RTL9: variants seen among roughly 807,000 people sequenced by gnomAD.
RTL9 encodes the protein retrotransposon Gag like 9.
In RTL9, 19 loss-of-function variants were observed where a neutral mutation model predicts 44.7. That is an observed-to-expected ratio of 0.42 (90% CI 0.30 to 0.62). The LOEUF (loss-of-function observed/expected upper bound fraction) is 0.62, where lower values mean the gene tolerates loss of function less well. RTL9 is among the 20% of genes least tolerant of loss of function. The pLI is 0.16. For synonymous variants in RTL9, 407 were observed against 398.9 expected (o/e 1.02, Z -0.24); for missense variants, 1,105 against 1,080.6 (o/e 1.02, Z -0.32).
At chrX:110,421,111 C>T (rs1323954249) in intron 1 of RTL9, among the ~76,000 whole-genome samples, 1 of 112,372 alleles carries the variant, frequency 8.9e-6, no homozygotes, top group African/African-American at 3.2e-5. Flanking sequence ...GTTTAAGGTT[C>T]TCATCCAGCC....
intron 1 of RTL9, among the ~76,000 whole-genome samples, chrX:110,436,615 G>A (rs1042479980): frequency 8.9e-6 from 1 of 111,950 alleles, no homozygotes. Context: ...AACATGCTGA[G>A]GGCATGCCTG....
At chrX:110,438,774 G>A (rs1010681702) in intron 1 of RTL9, among the ~76,000 whole-genome samples, 1 of 111,528 alleles carries the variant, frequency 9.0e-6, no homozygotes. Context: ...TGTTTATTTT[G>A]TCAATCAGAG....
intron 1 of RTL9, among the ~76,000 whole-genome samples, chrX:110,411,066 TATAAGCAGCAGAGCTGCCATGG>T (rs1446432536): frequency 3.6e-5 from 4 of 112,494 alleles, no homozygotes; most frequent in African/African-American, 1.3e-4. Flanking sequence ...TCTTCCTATT[TATAAGCAGCAGAGCTGCCATGG>T]GTCACTGCAC....
exon 1 of RTL9, chrX:110,454,115 A>C (rs961337272): frequency 8.3e-7 from 1 of 1,210,375 alleles, no homozygotes; most frequent in African/African-American, 1.7e-5. Flanking sequence ...CTGTGGAGGA[A>C]GAGATGGAGA....
At chrX:110,391,782 A>G (rs1222015301) in intron 1 of RTL9, among the ~76,000 whole-genome samples, 2 of 112,518 alleles carry the variant, frequency 1.8e-5, no homozygotes, top group Non-Finnish European at 3.8e-5. Context: ...GATGTTGGCA[A>G]GTAGTACTTG....
At chrX:110,442,247 C>CTCTCTCTGTGTGTG (rs1556214261) in intron 1 of RTL9, among the ~76,000 whole-genome samples, 2 of 97,036 alleles carry the variant, frequency 2.1e-5, no homozygotes, top group African/African-American at 7.8e-5. Flanking sequence ...CTCTCTCTCT[C>CTCTCTCTGTGTGTG]TGTGTGTGTG....
At chrX:110,361,459 A>G (rs1180474149) in intron 1 of RTL9, among the ~76,000 whole-genome samples, 1 of 111,262 alleles carries the variant, frequency 9.0e-6, no homozygotes, top group Non-Finnish European at 1.9e-5. Context: ...GAACCAGGAT[A>G]ATTTTATTAT....
At chrX:110,423,795 C>T (rs1342116963) in intron 1 of RTL9, among the ~76,000 whole-genome samples, 1 of 112,199 alleles carries the variant, frequency 8.9e-6, no homozygotes, top group Non-Finnish European at 1.9e-5. Context: ...ATGGTTTGTT[C>T]TGATCACACA....
chrX:110,433,239 C>T (rs950784305), intron 1 of RTL9, among the ~76,000 whole-genome samples: 1 of 112,547 alleles, frequency 8.9e-6, no homozygotes, highest in Non-Finnish European at 1.9e-5. Context: ...TGTGCTGGTG[C>T]TTATGGGAGA....
At chrX:110,399,913 A>G (rs1362299047) in intron 1 of RTL9, among the ~76,000 whole-genome samples, 2 of 112,286 alleles carry the variant, frequency 1.8e-5, no homozygotes, top group African/African-American at 3.2e-5. Flanking sequence ...TAAGGGGAAG[A>G]GGTGAGTTAA....
At chrX:110,442,032 A>T in intron 1 of RTL9, among the ~76,000 whole-genome samples, 1 of 110,917 alleles carries the variant, frequency 9.0e-6, no homozygotes, top group Non-Finnish European at 1.9e-5. Context: ...GCTCTTATCC[A>T]CCTTCTCTGC....
intron 1 of RTL9, among the ~76,000 whole-genome samples, chrX:110,378,783 G>A (rs190790831): frequency 1.2e-4 from 13 of 111,221 alleles, no homozygotes; most frequent in Non-Finnish European, 2.1e-4. Context: ...CTGAAATGGC[G>A]CCTGCTGTAC....
At chrX:110,455,530 A>G in exon 2 of RTL9, 1 of 404,753 alleles carries the variant, frequency 2.5e-6, no homozygotes, top group East Asian at 4.1e-5. Context: ...CAATCAGAGT[A>G]GGGACTACAA....
At chrX:110,377,711 G>T (rs1446849569) in intron 1 of RTL9, among the ~76,000 whole-genome samples, 2 of 111,289 alleles carry the variant, frequency 1.8e-5, no homozygotes, top group Non-Finnish European at 3.8e-5. Flanking sequence ...ACACATTTTT[G>T]ATTTGTACAG....
At chrX:110,396,970 A>G (rs2068532781) in intron 1 of RTL9, among the ~76,000 whole-genome samples, 1 of 111,177 alleles carries the variant, frequency 9.0e-6, no homozygotes, top group Admixed American at 9.5e-5. Context: ...CACACCCGTG[A>G]GTTTTTCTCT....
intron 1 of RTL9, among the ~76,000 whole-genome samples, chrX:110,409,960 AG>A (rs1368647896): frequency 1.8e-5 from 2 of 112,234 alleles, no homozygotes; most frequent in Non-Finnish European, 3.8e-5. Flanking sequence ...GTTGAAATAC[AG>A]ATGCAGTGTG....
intron 1 of RTL9, among the ~76,000 whole-genome samples, chrX:110,404,838 C>T (rs1042926410): frequency 9.0e-6 from 1 of 111,549 alleles, no homozygotes; most frequent in Non-Finnish European, 1.9e-5. Flanking sequence ...TTTTTCTTGG[C>T]ATAAGTAAAA....
chrX:110,429,458 G>GTT (rs554736940), intron 1 of RTL9, among the ~76,000 whole-genome samples: 6 of 80,886 alleles, frequency 7.4e-5, no homozygotes, highest in Non-Finnish European at 1.0e-4. Context: ...GAGAAAAAGT[G>GTT]TTTTTTTTTT....
intron 1 of RTL9, among the ~76,000 whole-genome samples, chrX:110,383,809 A>G (rs1190146569): frequency 8.9e-6 from 1 of 111,791 alleles, no homozygotes; most frequent in Non-Finnish European, 1.9e-5. Context: ...TCCCTTTGAT[A>G]GCACCATCCT....
Sources: gnomAD v4.1 joint callset for allele counts (sites outside exome capture counted in the v4.1 genomes callset) on GRCh38, gnomAD v4.1.1 for gene constraint, MANE v1.5 for transcripts, NCBI Gene and HGNC (gene_info 2026-07-23, HGNC 2026-07-21) for gene names.